The following CHRNA4 variants were observed in gnomAD, a reference collection of about 807,000 sequenced individuals.
CHRNA4 encodes the protein cholinergic receptor nicotinic alpha 4 subunit.
Under a neutral mutation model 48.9 loss-of-function variants are expected in CHRNA4, and 28 were observed. That is an observed-to-expected ratio of 0.57 (90% CI 0.42 to 0.79). CHRNA4 has a LOEUF of 0.79. CHRNA4 is among the 30% of genes least tolerant of loss of function. The pLI, the probability that CHRNA4 is intolerant of heterozygous loss-of-function variation, is 0.00. For synonymous variants in CHRNA4, 425 were observed against 402.3 expected (o/e 1.06, Z -0.68); for missense variants, 859 against 898.4 (o/e 0.96, Z 0.56).
At position 63,350,927 on chromosome 20, in the gene CHRNA4, T is replaced by C. The variant is rs1250166607; in HGVS notation, c.484A>G (p.Ser162Gly). The C allele has an allele frequency of 1.5e-5, 24 of 1,613,920 alleles. No homozygotes were observed. The highest frequency in any genetic ancestry group is 2.0e-5 in the Non-Finnish European group (24 of 1,180,002). Residue 162 changes from serine (S) to glycine (G), a missense_variant, in exon 5 of 6, where the codon AGC (serine) becomes GGC (glycine). Ser to Gly is a moderately conservative substitution (Grantham distance 56). This residue lies in a region of CHRNA4 where 342 missense variants were observed against 365.3 expected (regional missense o/e 0.94). Transcript: ENST00000370263. ...TPPAIYKSSC[S>G]IDVTFFPFDQ... Reference sequence around the variant, plus strand: ...AAGGGGAAGAAGGTGACGTCGATGCTGCAGGAGCTCTTGTAAATGGCCGGG... The same window carrying C: ...AAGGGGAAGAAGGTGACGTCGATGCCGCAGGAGCTCTTGTAAATGGCCGGG...
rs368588728 is a variant in CHRNA4 at position 63,352,862 on chromosome 20, C to G, written c.384-1835G>C. On this transcript the variant is annotated intron_variant, in intron 4 of 5. Coordinates refer to ENST00000370263, the MANE Select transcript of CHRNA4 (RefSeq NM_000744.7). ...CCCCAGGTCCCACAGCACCCCTGGG[C>G]TGCATCACTGCTGCTCCCTGCCCCG... Among the ~76,000 whole-genome samples the G allele has an allele frequency of 1.8e-3, 279 of 152,304 alleles. 1 individual carries two copies. The highest frequency in any genetic ancestry group is 6.4e-3 in the African/African-American group (268 of 41,564).
intron 5 of CHRNA4, among the ~76,000 whole-genome samples, chr20:63,347,568 G>A (rs2068516257): frequency 6.6e-6 from 1 of 152,348 alleles, no homozygotes; most frequent in African/African-American, 2.4e-5. Context: ...AGGGAGGGCA[G>A]AGGCAGTGGC....
chr20:63,354,675 G>T, intron 4 of CHRNA4: 1 of 985,166 alleles, frequency 1.0e-6, no homozygotes, highest in Non-Finnish European at 1.2e-6. Context: ...CGTTCCTGGG[G>T]GCTGCATTCC....
intron 1 of CHRNA4, chr20:63,360,251 C>T (rs951869382): frequency 6.0e-6 from 1 of 165,312 alleles, no homozygotes; most frequent in Admixed American, 5.6e-5. Flanking sequence ...AGGATCGGGC[C>T]CCCACAAGCG....
In CHRNA4 at chr20:63,344,981, C is replaced by T; in HGVS notation, c.*1757G>A. 2.3e-6 allele frequency: 1 copy of T among 427,014 alleles called. No individual in the cohort carries two copies. Among genetic ancestry groups the T allele is most frequent in the Non-Finnish European group, 4.8e-6 (1 of 209,138 alleles). 26.5% of individuals were successfully genotyped at this position (427,014 alleles called of 1,614,324 possible). A position where few individuals can be genotyped will look rare whatever the true frequency, so the allele number is the denominator to read the frequency against. On this transcript the variant is annotated 3_prime_UTR_variant, in exon 6 of 6. Transcript: ENST00000370263. The surrounding 1 kb of genome is among the most constrained non-coding windows in gnomAD (Gnocchi z 4.5). ...CCACCCACTCCTGGCACAAAAGCCCCAGCCTCAGGACCCCGGTCACAGGCA... is the reference window on the plus strand; with the variant it reads ...CCACCCACTCCTGGCACAAAAGCCCTAGCCTCAGGACCCCGGTCACAGGCA...
chr20:63,346,778 ACCGTCC>A lies in CHRNA4; in HGVS notation c.1838_1843del (p.Gly613_Thr614del), dbSNP rs2068502680. On this transcript the variant is annotated inframe_deletion, in exon 6 of 6. Coordinates refer to ENST00000370263, the MANE Select transcript of CHRNA4 (RefSeq NM_000744.7). The stretch of plus-strand genomic sequence containing the variant: ...CAGCCAGGGCGGCAGGAAGAGGCCC[ACCGTCC>A]CCAGCAGGCAGACGATGATGAACAT... 3 of 1,612,054 alleles carry A rather than the reference ACCGTCC, an allele frequency of 1.9e-6. No homozygotes were observed. The highest frequency in any genetic ancestry group is 2.5e-6 in the Non-Finnish European group (3 of 1,179,704).
intron 1 of CHRNA4, chr20:63,359,910 T>TGCC: frequency 2.0e-6 from 1 of 510,886 alleles, no homozygotes. Flanking sequence ...TGTGTGTGTG[T>TGCC]GTGTGTGTGT....
intron 4 of CHRNA4, among the ~76,000 whole-genome samples, chr20:63,352,717 G>A (rs1432836059): frequency 1.3e-5 from 2 of 152,220 alleles, no homozygotes; most frequent in African/African-American, 2.4e-5. Context: ...TACAGGGAAC[G>A]CCAGGGCCAT....
At chr20:63,360,941 C>A in intron 1 of CHRNA4, 149 bp downstream of exon 1, 3 of 608,950 alleles carry the variant, frequency 4.9e-6, no homozygotes, top group Non-Finnish European at 7.5e-6. Flanking sequence ...GCAGCCTGTG[C>A]GGCTGGGGAT....
intron 4 of CHRNA4, among the ~76,000 whole-genome samples, chr20:63,352,710 AGG>A (rs1325257334): frequency 1.3e-5 from 2 of 152,200 alleles, no homozygotes; most frequent in Non-Finnish European, 2.9e-5. Flanking sequence ...CACACTCTAC[AGG>A]GAACGCCAGG....
At chr20:63,347,993 G>A (rs1568806321) in intron 5 of CHRNA4, among the ~76,000 whole-genome samples, 1 of 152,226 alleles carries the variant, frequency 6.6e-6, no homozygotes, top group Non-Finnish European at 1.5e-5. Flanking sequence ...GGGCGGGGAC[G>A]CGGCCGCCCT....
intron 4 of CHRNA4, 80 bp from the exon 5 acceptor site, chr20:63,351,107 GC>G: frequency 6.9e-7 from 1 of 1,443,350 alleles, no homozygotes; most frequent in Non-Finnish European, 9.3e-7. Flanking sequence ...CCACACCCAT[GC>G]CCACGTCCAC....
chr20:63,359,590 G>C lies in CHRNA4; in HGVS notation c.186C>G (p.Val62=). The part of the protein sequence containing the change: ...SRPVANISDV[V]LVRFGLSIAQ... Reference sequence around the variant, plus strand: ...CGATGGACAGGCCGAAGCGGACGAGGACCACGTCCGAGATGTTGGCCACGG... The same window carrying C: ...CGATGGACAGGCCGAAGCGGACGAGCACCACGTCCGAGATGTTGGCCACGG... The change falls in exon 2 of 6, where the codon GTC becomes GTG. Residue 62 remains valine, a synonymous_variant. Transcript: ENST00000370263. The C allele has an allele frequency of 6.2e-7, 1 of 1,612,732 alleles. No homozygotes were observed. Among genetic ancestry groups the C allele is most frequent in the Non-Finnish European group, 8.5e-7 (1 of 1,179,932 alleles).
Position 63,346,034 on chromosome 20 carries a change from G to A in CHRNA4, c.*704C>T, listed in dbSNP as rs1192217406. 4.4e-6 allele frequency: 2 copies of A among 453,900 alleles called. No individual in the cohort carries two copies. Among genetic ancestry groups the A allele is most frequent in the Non-Finnish European group, 8.8e-6 (2 of 226,726 alleles). The allele number at this position is 453,900 out of a possible 1,614,324, so 28.1% of individuals were successfully genotyped here. A position where few individuals can be genotyped will look rare whatever the true frequency, so the allele number is the denominator to read the frequency against. On this transcript the variant is annotated 3_prime_UTR_variant, in exon 6 of 6. Transcript: ENST00000370263. ...TCCCCCGCGGAGGGCCTGCGCAGGG[G>A]AGAGCTGGTCCCGCGTGGGCCTCCC...
In CHRNA4 at chr20:63,359,712, G is replaced by A; in HGVS notation, c.77-13C>T. 6.2e-7 allele frequency: 1 copy of A among 1,609,512 alleles called. No homozygotes were observed. The highest frequency in any genetic ancestry group is 1.1e-5 in the South Asian group (1 of 90,984). Reference sequence around the variant, plus strand: ...ACATGGCTGCTGGCTGCGGGGAGAGGCAGGCCAGTGGCTCAGGTGCAGGCG... The same window carrying A: ...ACATGGCTGCTGGCTGCGGGGAGAGACAGGCCAGTGGCTCAGGTGCAGGCG... On this transcript the variant is annotated splice_polypyrimidine_tract_variant and intron_variant, in intron 1 of 5. Transcript: ENST00000370263.
rs1248856219 is a variant in CHRNA4 at position 63,352,855 on chromosome 20, C to CCAGGTCCCACAGCA, written c.384-1829_384-1828insTGCTGTGGGACCTG. Reference sequence around the variant, plus strand: ...CCCCAGCCCCCAGGTCCCACAGCACCCCTGGGCTGCATCACTGCTGCTCCC... The same window carrying CCAGGTCCCACAGCA: ...CCCCAGCCCCCAGGTCCCACAGCACCCAGGTCCCACAGCACCTGGGCTGCATCACTGCTGCTCCC... On this transcript the variant is annotated intron_variant, in intron 4 of 5. Coordinates refer to ENST00000370263, the MANE Select transcript of CHRNA4 (RefSeq NM_000744.7). Among the ~76,000 whole-genome samples, 276 of 152,312 alleles carry CCAGGTCCCACAGCA rather than the reference C, an allele frequency of 1.8e-3. 1 individual carries two copies. Among genetic ancestry groups the CCAGGTCCCACAGCA allele is most frequent in the African/African-American group, 6.4e-3 (265 of 41,550 alleles).
rs2068814921 is a variant in CHRNA4 at position 63,361,181 on chromosome 20, C to T, written c.-16G>A. 4 of 1,463,356 alleles carry T rather than the reference C, an allele frequency of 2.7e-6. No homozygotes were observed. The highest frequency in any genetic ancestry group is 3.6e-6 in the Non-Finnish European group (4 of 1,110,812). The allele number at this position is 1,463,356 out of a possible 1,614,324, so 90.6% of individuals were successfully genotyped here. On this transcript the variant is annotated 5_prime_UTR_variant, in exon 1 of 6. Coordinates refer to ENST00000370263, the MANE Select transcript of CHRNA4 (RefSeq NM_000744.7). The stretch of plus-strand genomic sequence containing the variant: ...CTAGCTCCATGGCGCACGCACCTCG[C>T]GGGCTCTAGATGCGGGCGGCTCCCG...
At position 63,349,923 on chromosome 20, in the gene CHRNA4, G is replaced by A. The variant is rs776563173; in HGVS notation, c.1488C>T (p.Asp496=). Residue 496 remains aspartate, a synonymous_variant, in exon 5 of 6, where the codon GAC becomes GAT. Coordinates refer to ENST00000370263, the MANE Select transcript of CHRNA4 (RefSeq NM_000744.7). ...SRSIQYCVPR[D]DAAPEADGQA... Reference sequence around the variant, plus strand: ...GGCCATCTGCCTCGGGGGCGGCATCGTCTCGGGGAACACAGTACTGGATGC... The same window carrying A: ...GGCCATCTGCCTCGGGGGCGGCATCATCTCGGGGAACACAGTACTGGATGC... 18 of 1,592,126 alleles carry A rather than the reference G, an allele frequency of 1.1e-5. No homozygotes were observed. The highest frequency in any genetic ancestry group is 1.3e-5 in the African/African-American group (1 of 74,676).
intron 4 of CHRNA4, among the ~76,000 whole-genome samples, chr20:63,352,095 T>A (rs1367228780): frequency 6.6e-6 from 1 of 152,140 alleles, no homozygotes; most frequent in African/African-American, 2.4e-5. Flanking sequence ...GGGGAGCGGC[T>A]GCCCAGCCAC....
Sources: gnomAD v4.1 joint callset for allele counts (sites outside exome capture counted in the v4.1 genomes callset) on GRCh38, gnomAD v4.1.1 for gene constraint, gnomAD v4.1.1 regional missense constraint, Gnocchi (gnomAD v3.1) non-coding constraint, MANE v1.5 for transcripts, NCBI Gene and HGNC (gene_info 2026-07-23, HGNC 2026-07-21) for gene names.